The following PALS1 variants were observed in gnomAD, a reference collection of about 807,000 sequenced individuals.
PALS1 encodes protein PALS1.
In PALS1, 31 loss-of-function variants were observed where a neutral mutation model predicts 78.9. The observed-to-expected ratio is 0.39, with a 90% CI of 0.30 to 0.53. The LOEUF is 0.53. Ranked by LOEUF, PALS1 falls within the 20% of genes least tolerant of loss-of-function variation. The pLI is 0.67. For synonymous variants in PALS1, 276 were observed against 270.9 expected (o/e 1.02, Z -0.18); for missense variants, 704 against 826.5 (o/e 0.85, Z 1.82).
intron 1 of PALS1, among the ~76,000 whole-genome samples, chr14:67,246,806 C>T (rs2083995188): frequency 6.6e-6 from 1 of 152,108 alleles, no homozygotes; most frequent in South Asian, 2.1e-4. Flanking sequence ...CGCGCACCAC[C>T]ACGCCCAGCT....
chr14:67,308,917 A>C (rs1344446393), intron 8 of PALS1, among the ~76,000 whole-genome samples: 1 of 152,154 alleles, frequency 6.6e-6, no homozygotes, highest in African/African-American at 2.4e-5. Context: ...ATCCCTAAAA[A>C]ACATGTAAAT....
rs143991104 is a variant in PALS1, at chr14:67,327,124, G to A, written c.1851+3312G>A. Among the ~76,000 whole-genome samples, 221 of 152,210 alleles carry A rather than the reference G, an allele frequency of 1.5e-3. 1 individual carries two copies. The highest frequency in any genetic ancestry group is 4.8e-3 in the African/African-American group (199 of 41,534). On this transcript the variant is annotated intron_variant, in intron 14 of 14. Transcript: ENST00000261681. ...CGGGAGGTGGAGGTTGCAGTGAACC[G>A]GGATTGCGCCACTGCACTCCTGCCT...
rs2084954848 is a variant in PALS1, at chr14:67,303,317, G to A, written c.964-205G>A. ...TACAGTGGAATCTGTACTATCTACT[G>A]ATTCTGTTGTAAAATCTAGAGACAT... On this transcript the variant is annotated intron_variant, in intron 7 of 14. Transcript: ENST00000261681. Among the ~76,000 whole-genome samples, 2 of 152,188 alleles carry A rather than the reference G, an allele frequency of 1.3e-5. 1 individual carries two copies. The highest frequency in any genetic ancestry group is 4.1e-4 in the South Asian group (2 of 4,832).
intron 3 of PALS1, among the ~76,000 whole-genome samples, chr14:67,286,264 GTTC>G (rs1338019688): frequency 6.6e-6 from 1 of 152,102 alleles, no homozygotes; most frequent in African/African-American, 2.4e-5. Context: ...TAGCCTTGTG[GTTC>G]TTCATTTCTC....
intron 11 of PALS1, among the ~76,000 whole-genome samples, chr14:67,318,267 A>G (rs1047416330): frequency 2.0e-5 from 3 of 152,254 alleles, no homozygotes; most frequent in African/African-American, 4.8e-5. Flanking sequence ...ATAAAACATT[A>G]TAGATCATTA....
intron 13 of PALS1, 134 bp downstream of exon 13, chr14:67,321,393 C>A: frequency 1.3e-6 from 1 of 795,042 alleles, no homozygotes; most frequent in Non-Finnish European, 2.0e-6. Context: ...CACTGATTTG[C>A]TATCTGAAAT....
At chr14:67,301,157 T>G (rs1257374536) in intron 4 of PALS1, among the ~76,000 whole-genome samples, 1 of 152,184 alleles carries the variant, frequency 6.6e-6, no homozygotes, top group Admixed American at 6.5e-5. Context: ...ATGGAAGTAT[T>G]TTGTCTATAG....
intron 1 of PALS1, among the ~76,000 whole-genome samples, chr14:67,267,907 CTTA>C (rs1434243826): frequency 1.3e-5 from 2 of 152,142 alleles, no homozygotes; most frequent in African/African-American, 4.8e-5. Context: ...TTTGTCCTTT[CTTA>C]TTGCATTTTT....
At chr14:67,271,258 A>C (rs2140585887) in intron 2 of PALS1, 1 of 152,244 alleles carries the variant, frequency 6.6e-6, no homozygotes, top group South Asian at 2.1e-4. Context: ...ATTTCCCTTT[A>C]CTTCTATCTG....
intron 1 of PALS1, among the ~76,000 whole-genome samples, chr14:67,254,031 C>T (rs1256141454): frequency 3.5e-5 from 5 of 141,610 alleles, no homozygotes; most frequent in Admixed American, 7.3e-5. Flanking sequence ...TTCATCCCCC[C>T]CCCCTTACAA....
At chr14:67,310,526 T>C (rs113701635) in intron 8 of PALS1, among the ~76,000 whole-genome samples, 67 of 152,288 alleles carry the variant, frequency 4.4e-4, no homozygotes, top group African/African-American at 1.4e-3. Context: ...GTTGTTGATT[T>C]GGATGCTAGT....
intron 13 of PALS1, among the ~76,000 whole-genome samples, chr14:67,322,554 A>T (rs1254862508): frequency 9.9e-5 from 15 of 152,158 alleles, no homozygotes; most frequent in Admixed American, 9.8e-4. Context: ...TGACTCTAAA[A>T]TGGCTATTCT....
intron 14 of PALS1, among the ~76,000 whole-genome samples, chr14:67,325,129 TCTC>T (rs2085332329): frequency 6.6e-6 from 1 of 151,916 alleles, no homozygotes; most frequent in African/African-American, 2.4e-5. Context: ...ATGGTCTTGA[TCTC>T]CTGACCTTGT....
intron 3 of PALS1, among the ~76,000 whole-genome samples, chr14:67,288,538 A>G (rs994193760): frequency 6.6e-6 from 1 of 152,308 alleles, no homozygotes; most frequent in South Asian, 2.1e-4. Flanking sequence ...CAGTAATTTA[A>G]TTGTCTACTC....
chr14:67,284,905 A>C (rs535056881), intron 3 of PALS1, among the ~76,000 whole-genome samples: 1 of 152,130 alleles, frequency 6.6e-6, no homozygotes, highest in East Asian at 1.9e-4. Context: ...TAGGTTAAAA[A>C]ATTTTTATTT....
At chr14:67,330,218 C>T (rs1043620453) in intron 14 of PALS1, among the ~76,000 whole-genome samples, 8 of 150,396 alleles carry the variant, frequency 5.3e-5, no homozygotes, top group Admixed American at 5.3e-4. Flanking sequence ...AGTTGGAGGG[C>T]ATTTGTCTTT....
At chr14:67,260,007 A>G (rs1477368005) in intron 1 of PALS1, among the ~76,000 whole-genome samples, 1 of 152,106 alleles carries the variant, frequency 6.6e-6, no homozygotes, top group Non-Finnish European at 1.5e-5. Flanking sequence ...TCTTGGAAAC[A>G]TTGTCCCCAG....
intron 4 of PALS1, among the ~76,000 whole-genome samples, chr14:67,301,083 GTTTTTC>G (rs1385931241): frequency 6.6e-6 from 1 of 152,020 alleles, no homozygotes; most frequent in African/African-American, 2.4e-5. Flanking sequence ...TGTTAGGACA[GTTTTTC>G]TTTTCTTATG....
intron 14 of PALS1, among the ~76,000 whole-genome samples, chr14:67,324,712 G>A (rs1020137816): frequency 6.6e-6 from 1 of 151,928 alleles, no homozygotes; most frequent in Non-Finnish European, 1.5e-5. Context: ...GCCTGTCCAA[G>A]TGGCTGGGAC....
Sources: gnomAD v4.1 joint callset for allele counts (sites outside exome capture counted in the v4.1 genomes callset) on GRCh38, gnomAD v4.1.1 for gene constraint, MANE v1.5 for transcripts, NCBI Gene and HGNC (gene_info 2026-07-23, HGNC 2026-07-21) for gene names.